Variants in COL13A1 observed in about 807,000 individuals in gnomAD.
COL13A1 encodes collagen alpha-1(XIII) chain.
In COL13A1, 89 loss-of-function variants were observed where a neutral mutation model predicts 130.9. That is an observed-to-expected ratio of 0.68 (90% CI 0.57 to 0.81). The LOEUF (loss-of-function observed/expected upper bound fraction) is 0.81, where lower values mean the gene tolerates loss of function less well. COL13A1 is among the 30% of genes least tolerant of loss of function. The pLI is 0.00. For missense variants in COL13A1, 879 were observed against 934.6 expected, an observed-to-expected ratio of 0.94 and a Z score of 0.78; for synonymous variants, 402 against 341.6, an observed-to-expected ratio of 1.18 and a Z score of -1.95.
intron 14 of COL13A1, among the ~76,000 whole-genome samples, chr10:69,901,891 A>G (rs2062219274): frequency 6.6e-6 from 1 of 152,158 alleles, no homozygotes; most frequent in South Asian, 2.1e-4. Flanking sequence ...TGAGGAGACA[A>G]GGGAATAATA....
intron 26 of COL13A1, 43 bp downstream of exon 26, chr10:69,925,915 C>T (rs1324448220): frequency 6.8e-7 from 1 of 1,472,940 alleles, no homozygotes; most frequent in Non-Finnish European, 9.3e-7. Flanking sequence ...TCATGGATCT[C>T]AGGCTCTGCA....
At chr10:69,946,770 C>G (rs2068606814) in intron 37 of COL13A1, among the ~76,000 whole-genome samples, 1 of 152,056 alleles carries the variant, frequency 6.6e-6, no homozygotes, top group African/African-American at 2.4e-5. Flanking sequence ...GGTGAGAAAA[C>G]CAGAACTGTG....
intron 1 of COL13A1, among the ~76,000 whole-genome samples, chr10:69,821,462 C>T (rs1023082136): frequency 6.6e-6 from 1 of 152,220 alleles, no homozygotes; most frequent in African/African-American, 2.4e-5. Flanking sequence ...TAATAGCTAA[C>T]ATTCATTGAG....
rs2067545399 is a variant in COL13A1 at position 69,940,971 on chromosome 10, C to T, written c.1879-17C>T. ...CTCTCTTCCCCTTCTTTTGGTCAAA[C>T]TGTGCCCTTCGTCCAGGGAGCTTCA... On this transcript the variant is annotated splice_polypyrimidine_tract_variant and intron_variant, in intron 34 of 40. Transcript: ENST00000645393. 6.2e-7 allele frequency: 1 copy of T among 1,613,958 alleles called. No individual in the cohort carries two copies. Among genetic ancestry groups the T allele is most frequent in the African/African-American group, 1.3e-5 (1 of 75,036 alleles).
At chr10:69,842,422 G>A (rs1851854760) in intron 2 of COL13A1, among the ~76,000 whole-genome samples, 1 of 152,178 alleles carries the variant, frequency 6.6e-6, no homozygotes, top group South Asian at 2.1e-4. Context: ...TCTGTACAGA[G>A]CAGGAAAAAT....
intron 28 of COL13A1, 25 bp downstream of exon 28, chr10:69,929,024 G>T (rs1195447945): frequency 2.5e-6 from 4 of 1,601,790 alleles, no homozygotes; most frequent in South Asian, 1.1e-5. Context: ...GACAAAGGGG[G>T]TGAAGACTTT....
chr10:69,888,448 G>C, intron 9 of COL13A1, 118 bp downstream of exon 9: 1 of 1,429,154 alleles, frequency 7.0e-7, no homozygotes, highest in Admixed American at 2.0e-5. Context: ...TCCTGGGGCT[G>C]AAGGTTGTCA....
At chr10:69,891,768 T>C in intron 10 of COL13A1, among the ~76,000 whole-genome samples, 1 of 152,230 alleles carries the variant, frequency 6.6e-6, no homozygotes, top group Non-Finnish European at 1.5e-5. Flanking sequence ...GTAATAATAA[T>C]GGTCATCCTC....
intron 5 of COL13A1, chr10:69,877,741 A>G (rs913073215): frequency 2.9e-6 from 1 of 348,496 alleles, no homozygotes; most frequent in Non-Finnish European, 5.3e-6. Flanking sequence ...ACACACACAC[A>G]CACACGTACG....
chr10:69,891,955 C>G (rs773324559), intron 10 of COL13A1, among the ~76,000 whole-genome samples: 113 of 152,210 alleles, frequency 7.4e-4, no homozygotes, highest in Non-Finnish European at 1.4e-3. Flanking sequence ...CTCTCAGCAG[C>G]CAGCACTTTG....
intron 1 of COL13A1, among the ~76,000 whole-genome samples, chr10:69,808,880 G>A (rs753816490): frequency 3.9e-5 from 6 of 152,216 alleles, no homozygotes; most frequent in East Asian, 1.9e-4. Flanking sequence ...TTTGCTCAGG[G>A]GGTGTTTCTC....
At chr10:69,927,879 G>T (rs2065582886) in intron 27 of COL13A1, among the ~76,000 whole-genome samples, 1 of 152,196 alleles carries the variant, frequency 6.6e-6, no homozygotes, top group African/African-American at 2.4e-5. Context: ...ATATTATTTG[G>T]CAGGGCACAG....
chr10:69,949,093 G>A (rs2068979169), intron 38 of COL13A1, among the ~76,000 whole-genome samples: 1 of 152,182 alleles, frequency 6.6e-6, no homozygotes, highest in Non-Finnish European at 1.5e-5. Context: ...TCCAACTCAA[G>A]GGCAGCTTGT....
At chr10:69,896,423 C>T (rs1197164267) in intron 13 of COL13A1, among the ~76,000 whole-genome samples, 1 of 152,170 alleles carries the variant, frequency 6.6e-6, no homozygotes, top group Admixed American at 6.5e-5. Context: ...GGATTGGCCT[C>T]GTTGCTCCCA....
chr10:69,882,231 C>T (rs538160680), intron 7 of COL13A1, among the ~76,000 whole-genome samples: 4 of 152,304 alleles, frequency 2.6e-5, no homozygotes, highest in Admixed American at 6.5e-5. Context: ...CTGCCATCTC[C>T]GTCTGCCTTC....
chr10:69,875,775 C>A (rs2059515498), intron 5 of COL13A1, among the ~76,000 whole-genome samples: 1 of 152,254 alleles, frequency 6.6e-6, no homozygotes, highest in African/African-American at 2.4e-5. Flanking sequence ...CCAGCCTCAG[C>A]CCCTGAGTGT....
chr10:69,919,132 T>C (rs1490448527), intron 20 of COL13A1, 44 bp downstream of exon 20: 4 of 1,612,828 alleles, frequency 2.5e-6, no homozygotes, highest in Admixed American at 1.7e-5. Flanking sequence ...AGAGCATCGG[T>C]CATGGGCAGA....
At chr10:69,880,981 G>T (rs905038312) in intron 7 of COL13A1, among the ~76,000 whole-genome samples, 11 of 152,330 alleles carry the variant, frequency 7.2e-5, no homozygotes, top group African/African-American at 2.6e-4. Flanking sequence ...TTGCCGGAGG[G>T]CCAGCCCACA....
At chr10:69,914,517 G>T (rs2063715521) in intron 17 of COL13A1, among the ~76,000 whole-genome samples, 1 of 152,240 alleles carries the variant, frequency 6.6e-6, no homozygotes, top group Admixed American at 6.5e-5. Context: ...TGCCAGCCCA[G>T]CTCCTCGAAA....
Sources: gnomAD v4.1 joint callset for allele counts (sites outside exome capture counted in the v4.1 genomes callset) on GRCh38, gnomAD v4.1.1 for gene constraint, MANE v1.5 for transcripts, NCBI Gene and HGNC (gene_info 2026-07-23, HGNC 2026-07-21) for gene names.